Variants in KMT2C observed in about 807,000 individuals in gnomAD.
The protein encoded by KMT2C is histone-lysine N-methyltransferase 2C.
A neutral mutation model predicts 507.9 loss-of-function variants in KMT2C; 88 were observed. The observed-to-expected ratio is 0.17, with a 90% CI of 0.15 to 0.21. The LOEUF (loss-of-function observed/expected upper bound fraction) is 0.21. KMT2C is among the 10% of genes least tolerant of loss of function. The pLI, the probability that KMT2C is intolerant of heterozygous loss-of-function variation, is 1.00. For missense variants in KMT2C, 4,954 were observed against 5,957.8 expected (o/e 0.83, Z 5.55); for synonymous variants, 2,049 against 2,080.8 (o/e 0.98, Z 0.42).
intron 2 of KMT2C, among the ~76,000 whole-genome samples, chr7:152,344,634 A>AG (rs1248482502): frequency 6.6e-6 from 1 of 151,920 alleles, no homozygotes; most frequent in Non-Finnish European, 1.5e-5. Flanking sequence ...CAAAAAAAAA[A>AG]AGAGAGAACT....
At position 152,222,168 on chromosome 7, in the gene KMT2C, TTAAAA is replaced by T. The variant is rs1459510120; in HGVS notation, c.3434-107_3434-103del. On this transcript the variant is annotated intron_variant, in intron 21 of 58. Coordinates refer to ENST00000262189, the MANE Select transcript of KMT2C (RefSeq NM_170606.3). Reference sequence around the variant, plus strand: ...AATTTCTGTTTCTATACTCATTTTATTAAAATAAATGTTTGAACACTAAAGTTAAA... The same window carrying T: ...AATTTCTGTTTCTATACTCATTTTATTAAATGTTTGAACACTAAAGTTAAA... The T allele has an allele frequency of 1.5e-5, 11 of 753,318 alleles. No homozygotes were observed. The African/African-American group carries it at 1.8e-4, about 13-fold the overall frequency. 46.7% of individuals were successfully genotyped at this position (753,318 alleles called of 1,614,324 possible).
intron 6 of KMT2C, among the ~76,000 whole-genome samples, chr7:152,301,484 G>A (rs769006808): frequency 6.6e-6 from 1 of 151,898 alleles, no homozygotes; most frequent in Non-Finnish European, 1.5e-5. Flanking sequence ...ATTCCAGCCC[G>A]CTGACAGTGT....
At chr7:152,407,932 A>C (rs1251003586) in intron 1 of KMT2C, among the ~76,000 whole-genome samples, 1 of 152,302 alleles carries the variant, frequency 6.6e-6, no homozygotes, top group Non-Finnish European at 1.5e-5. Flanking sequence ...ACTGTTTCCA[A>C]ATCAACAGTC....
chr7:152,182,937 G>T, intron 35 of KMT2C, 37 bp downstream of exon 35: 1 of 1,472,312 alleles, frequency 6.8e-7, no homozygotes, highest in Non-Finnish European at 9.1e-7. Flanking sequence ...AAACAAAAAT[G>T]CAACTTCAAA....
intron 18 of KMT2C, among the ~76,000 whole-genome samples, chr7:152,224,935 T>C (rs2094883361): frequency 2.6e-5 from 4 of 152,162 alleles, no homozygotes; most frequent in Admixed American, 2.6e-4. Context: ...CAAGTAAGCT[T>C]CCCTATTATT....
At chr7:152,142,001 G>T (rs59925177) in intron 55 of KMT2C, among the ~76,000 whole-genome samples, 1 of 152,122 alleles carries the variant, frequency 6.6e-6, no homozygotes, top group Non-Finnish European at 1.5e-5. Flanking sequence ...CAGCCTGGGC[G>T]ACACAGTGAG....
At chr7:152,419,588 A>G (rs991741297) in intron 1 of KMT2C, among the ~76,000 whole-genome samples, 9 of 152,132 alleles carry the variant, frequency 5.9e-5, no homozygotes, top group Non-Finnish European at 1.0e-4. Context: ...ACACAGATAC[A>G]ATGTCATACC....
intron 47 of KMT2C, 22 bp from the exon 48 acceptor site, chr7:152,154,168 AGAG>A (rs1563166435): frequency 6.2e-7 from 1 of 1,612,474 alleles, no homozygotes; most frequent in Admixed American, 1.7e-5. Flanking sequence ...GAGAAAAAAA[AGAG>A]GAAAATAGTG....
intron 1 of KMT2C, among the ~76,000 whole-genome samples, chr7:152,374,986 G>A (rs1283117360): frequency 6.6e-6 from 1 of 151,942 alleles, no homozygotes; most frequent in South Asian, 2.1e-4. Context: ...CAAACATTAA[G>A]AGGAATATCC....
intron 6 of KMT2C, among the ~76,000 whole-genome samples, chr7:152,286,469 A>G (rs1304558937): frequency 7.9e-5 from 12 of 152,384 alleles, no homozygotes; most frequent in African/African-American, 2.9e-4. Flanking sequence ...TACTGACACC[A>G]CACCTGACTT....
At chr7:152,242,748 T>C (rs1338805785) in intron 14 of KMT2C, among the ~76,000 whole-genome samples, 1 of 152,166 alleles carries the variant, frequency 6.6e-6, no homozygotes, top group Non-Finnish European at 1.5e-5. Context: ...AAAAGTCAAA[T>C]TCTATTGCTG....
At position 152,162,812 on chromosome 7, in the gene KMT2C, G is replaced by C. The variant is rs201649535; in HGVS notation, c.10765C>G (p.Leu3589Val). ...ATTATATCAGAATACAACTGAATGA[G>C]CGATTGGGTTGATCCCGGATAACTG... is the stretch of plus-strand genomic sequence containing the variant. Reference protein sequence around the residue: ...GHSYPGSTQSLIQLYSDIIPE... With the variant: ...GHSYPGSTQSVIQLYSDIIPE... The change falls in exon 43 of 59, where the codon CTC becomes GTC. Residue 3589 changes from leucine to valine, a missense_variant. By Grantham distance (32) the Leu-to-Val change is conservative. Transcript: ENST00000262189. 38 of 1,614,116 alleles carry C rather than the reference G, an allele frequency of 2.4e-5. No homozygotes were observed. The East Asian group carries it at 8.2e-4, about 35-fold the overall frequency.
rs185699758 is a variant in KMT2C, at chr7:152,333,196, G to A, written c.251-2457C>T. On this transcript the variant is annotated intron_variant, in intron 2 of 58. Coordinates refer to ENST00000262189, the MANE Select transcript of KMT2C (RefSeq NM_170606.3). Reference sequence around the variant, plus strand: ...AGGACTCACTCTGTCGCCCATGCTGGAGTGCAGTAGTATGATCATTCGCAT... The same window carrying A: ...AGGACTCACTCTGTCGCCCATGCTGAAGTGCAGTAGTATGATCATTCGCAT... 4.5e-3 allele frequency among the ~76,000 whole-genome samples: 685 copies of A among 152,098 alleles called. 1 individual carries two copies. Among genetic ancestry groups the A allele is most frequent in the Non-Finnish European group, 6.9e-3 (467 of 67,994 alleles).
At position 152,179,442 on chromosome 7, in the gene KMT2C, T is replaced by C. The variant is rs73161891; in HGVS notation, c.7442+392A>G. Among the ~76,000 whole-genome samples the C allele has an allele frequency of 6.4e-3, 978 of 152,322 alleles. 4 individuals are homozygous for C. The highest frequency in any genetic ancestry group is 0.012 in the Non-Finnish European group (799 of 68,036). The stretch of plus-strand genomic sequence containing the variant: ...CTGCATCATTAAGGGTGCAAGGTAA[T>C]GCTAACACAGTTAATACTTAAAAAC... On this transcript the variant is annotated intron_variant, in intron 37 of 58. Transcript: ENST00000262189.
intron 52 of KMT2C, among the ~76,000 whole-genome samples, chr7:152,147,448 C>T (rs2091216698): frequency 6.6e-6 from 1 of 152,046 alleles, no homozygotes; most frequent in Admixed American, 6.5e-5. Flanking sequence ...CTTTGGGTGG[C>T]TGAGGCAGGT....
intron 6 of KMT2C, among the ~76,000 whole-genome samples, chr7:152,288,950 T>C (rs1237823404): frequency 9.2e-5 from 14 of 152,250 alleles, no homozygotes; most frequent in Non-Finnish European, 1.2e-4. Context: ...CCATTAGTAA[T>C]GAAAGGGAAA....
chr7:152,157,774 T>C (rs1422762701), intron 44 of KMT2C: 1 of 1,282,432 alleles, frequency 7.8e-7, no homozygotes, highest in Non-Finnish European at 1.0e-6. Context: ...GTAGATCAAC[T>C]GAGAATAGTA....
At chr7:152,271,597 C>T (rs935121985) in intron 7 of KMT2C, among the ~76,000 whole-genome samples, 3 of 147,590 alleles carry the variant, frequency 2.0e-5, no homozygotes, top group African/African-American at 7.6e-5. Context: ...TCGCATGAAC[C>T]TGGAAGGCGG....
At chr7:152,231,593 C>A (rs1285885660) in intron 16 of KMT2C, among the ~76,000 whole-genome samples, 1 of 152,168 alleles carries the variant, frequency 6.6e-6, no homozygotes, top group Non-Finnish European at 1.5e-5. Flanking sequence ...CCAGCCTGGG[C>A]AACACGGTGA....
Sources: gnomAD v4.1 joint callset for allele counts (sites outside exome capture counted in the v4.1 genomes callset) on GRCh38, gnomAD v4.1.1 for gene constraint, MANE v1.5 for transcripts, NCBI Gene and HGNC (gene_info 2026-07-23, HGNC 2026-07-21) for gene names.